The following LTBP1 variants were observed in gnomAD, a reference collection of about 807,000 sequenced individuals.
LTBP1 encodes latent transforming growth factor beta binding protein 1.
Under a neutral mutation model 207.6 loss-of-function variants are expected in LTBP1, and 129 were observed. The ratio of observed to expected loss-of-function variants is 0.62; its 90% CI spans 0.54 to 0.72. The LOEUF is 0.72. Among genes scored for constraint, LTBP1 ranks in the 30% least tolerant of loss-of-function variants. The pLI, the probability that LTBP1 is intolerant of heterozygous loss-of-function variation, is 0.00. For synonymous variants in LTBP1, 963 were observed against 833.7 expected (o/e 1.16, Z -2.67); for missense variants, 2,281 against 2,217.2 (o/e 1.03, Z -0.58).
chr2:33,305,096 CGAGGTCAGGAGATCGA>C (rs1041624663), intron 22 of LTBP1, among the ~76,000 whole-genome samples: 35 of 152,106 alleles, frequency 2.3e-4, no homozygotes, highest in African/African-American at 8.2e-4. Context: ...AGGTGGATCA[CGAGGTCAGGAGATCGA>C]GACCATCTTA....
At chr2:33,133,911 T>A (rs1054731441) in intron 4 of LTBP1, among the ~76,000 whole-genome samples, 4 of 152,196 alleles carry the variant, frequency 2.6e-5, no homozygotes, top group Non-Finnish European at 5.9e-5. Flanking sequence ...GATATACTTT[T>A]AGTCTAGGGC....
intron 24 of LTBP1, among the ~76,000 whole-genome samples, chr2:33,342,637 A>G (rs937635375): frequency 2.6e-5 from 4 of 152,188 alleles, no homozygotes; most frequent in African/African-American, 9.7e-5. Context: ...ATAGAACCCA[A>G]CATTTTGGCT....
intron 3 of LTBP1, among the ~76,000 whole-genome samples, chr2:33,072,751 A>G (rs1255639648): frequency 2.0e-5 from 3 of 152,234 alleles, no homozygotes; most frequent in Non-Finnish European, 4.4e-5. Flanking sequence ...TATATGTCAT[A>G]GTATCACGCA....
intron 2 of LTBP1, among the ~76,000 whole-genome samples, chr2:32,995,242 A>C (rs1323947036): frequency 6.6e-6 from 1 of 151,912 alleles, no homozygotes; most frequent in South Asian, 2.1e-4. Context: ...AAACCACCAG[A>C]GTGCTCCACA....
At chr2:33,210,936 T>G (rs2090263709) in intron 7 of LTBP1, among the ~76,000 whole-genome samples, 2 of 152,256 alleles carry the variant, frequency 1.3e-5, no homozygotes, top group South Asian at 4.1e-4. Flanking sequence ...ATTTCATGTT[T>G]TCCCTCAGTG....
chr2:33,371,579 C>T (rs1037930858), intron 31 of LTBP1, among the ~76,000 whole-genome samples: 1 of 152,152 alleles, frequency 6.6e-6, no homozygotes, highest in African/African-American at 2.4e-5. Flanking sequence ...ATAGAGTTAT[C>T]AGAACTTTGA....
intron 3 of LTBP1, among the ~76,000 whole-genome samples, chr2:33,064,542 A>C (rs1418247245): frequency 6.6e-6 from 1 of 152,212 alleles, no homozygotes; most frequent in Non-Finnish European, 1.5e-5. Context: ...TTACTCGTGT[A>C]GTAGGTTTGT....
intron 32 of LTBP1, among the ~76,000 whole-genome samples, chr2:33,395,433 A>T (rs796988800): frequency 1.1e-4 from 16 of 152,322 alleles, no homozygotes; most frequent in African/African-American, 3.4e-4. Flanking sequence ...ATGGGAACTC[A>T]AGTCCCCCAA....
chr2:33,160,972 G>T (rs1344303959), intron 5 of LTBP1, among the ~76,000 whole-genome samples: 2 of 152,122 alleles, frequency 1.3e-5, no homozygotes, highest in Non-Finnish European at 2.9e-5. Flanking sequence ...GGTCTTTCTT[G>T]CCCCTCTTGA....
chr2:33,368,943 T>A (rs2095033444), intron 31 of LTBP1, among the ~76,000 whole-genome samples: 1 of 152,194 alleles, frequency 6.6e-6, no homozygotes, highest in African/African-American at 2.4e-5. Flanking sequence ...ATTGACTAGG[T>A]TTAAAAACCT....
intron 3 of LTBP1, among the ~76,000 whole-genome samples, chr2:33,054,095 A>G (rs963313384): frequency 5.3e-5 from 8 of 152,190 alleles, no homozygotes; most frequent in Non-Finnish European, 8.8e-5. Flanking sequence ...GAAGTCCAGA[A>G]CTGTGAACCA....
chr2:33,242,963 T>C (rs962878620), intron 9 of LTBP1, among the ~76,000 whole-genome samples: 6 of 152,068 alleles, frequency 3.9e-5, no homozygotes, highest in African/African-American at 1.5e-4. Context: ...TGTTTCCAAC[T>C]ATTTACCTTC....
At chr2:32,993,181 G>A (rs983283242) in intron 2 of LTBP1, among the ~76,000 whole-genome samples, 4 of 152,072 alleles carry the variant, frequency 2.6e-5, no homozygotes, top group South Asian at 2.1e-4. Context: ...ATGCAGGCAC[G>A]TGCAAGCAAG....
intron 5 of LTBP1, among the ~76,000 whole-genome samples, chr2:33,185,223 G>A (rs965386580): frequency 5.3e-5 from 8 of 152,180 alleles, no homozygotes; most frequent in Non-Finnish European, 1.2e-4. Context: ...GAGGATCCCT[G>A]TAATGGGCAA....
At chr2:33,170,911 G>A (rs375673766) in intron 5 of LTBP1, among the ~76,000 whole-genome samples, 2 of 152,168 alleles carry the variant, frequency 1.3e-5, no homozygotes, top group South Asian at 4.1e-4. Context: ...GGTCTGGAGT[G>A]GACCTCTAGC....
At chr2:33,333,280 A>G (rs1357178926) in intron 24 of LTBP1, among the ~76,000 whole-genome samples, 1 of 151,432 alleles carries the variant, frequency 6.6e-6, no homozygotes, top group African/African-American at 2.4e-5. Flanking sequence ...TGTTCTTTTT[A>G]ATGAGTGGAG....
At chr2:32,968,917 ATTT>A (rs61065758) in intron 2 of LTBP1, among the ~76,000 whole-genome samples, 2 of 107,318 alleles carry the variant, frequency 1.9e-5, no homozygotes, top group Non-Finnish European at 1.8e-5. Flanking sequence ...GTGTGTGTGT[ATTT>A]TTTTTTTTTT....
At chr2:33,179,287 G>A (rs148395591) in intron 5 of LTBP1, among the ~76,000 whole-genome samples, 274 of 152,250 alleles carry the variant, frequency 1.8e-3, no homozygotes, top group African/African-American at 6.2e-3. Flanking sequence ...GCTCAGGGAA[G>A]CCAAAAGATT....
chr2:33,375,098 T>C (rs1460474094), intron 31 of LTBP1, among the ~76,000 whole-genome samples: 2 of 152,234 alleles, frequency 1.3e-5, no homozygotes, highest in African/African-American at 4.8e-5. Flanking sequence ...AGTAGCTCTT[T>C]GATGTAATGT....
Sources: allele counts gnomAD v4.1 joint callset (sites outside exome capture counted in the v4.1 genomes callset), GRCh38; gene constraint gnomAD v4.1.1; transcripts MANE v1.5; gene names NCBI Gene and HGNC (gene_info 2026-07-23, HGNC 2026-07-21).